TAFA1: variants seen among roughly 807,000 people sequenced by gnomAD.
TAFA1 encodes the protein chemokine-like protein TAFA-1.
Under a neutral mutation model 18.5 loss-of-function variants are expected in TAFA1, and 4 were observed. The observed-to-expected ratio is 0.22, with a 90% CI of 0.11 to 0.49. The LOEUF is 0.49. Among genes scored for constraint, TAFA1 ranks in the 20% least tolerant of loss-of-function variants. The pLI, the probability that TAFA1 is intolerant of heterozygous loss-of-function variation, is 0.98. For synonymous variants in TAFA1, 56 were observed against 55.2 expected (o/e 1.01, Z -0.06); for missense variants, 147 against 169.0 (o/e 0.87, Z 0.72).
intron 2 of TAFA1, among the ~76,000 whole-genome samples, chr3:68,125,943 A>G (rs2065459115): frequency 6.6e-6 from 1 of 152,172 alleles, no homozygotes; most frequent in South Asian, 2.1e-4. Flanking sequence ...ATGATTCTAG[A>G]AAGTGTTCCA....
intron 3 of TAFA1, among the ~76,000 whole-genome samples, chr3:68,491,106 T>C (rs1046663139): frequency 2.1e-4 from 32 of 152,168 alleles, no homozygotes; most frequent in African/African-American, 7.5e-4. Context: ...TCTAAAGTGC[T>C]AGGATTACAG....
intron 2 of TAFA1, among the ~76,000 whole-genome samples, chr3:68,253,514 G>T (rs1006217544): frequency 4.6e-5 from 7 of 152,084 alleles, no homozygotes; most frequent in African/African-American, 7.2e-5. Context: ...CTCAGATTTT[G>T]TGCACTACTT....
At chr3:68,248,057 G>A (rs1464658503) in intron 2 of TAFA1, among the ~76,000 whole-genome samples, 1 of 152,236 alleles carries the variant, frequency 6.6e-6, no homozygotes, top group Non-Finnish European at 1.5e-5. Context: ...AGAGTACTTA[G>A]TTGCAGACTG....
intron 3 of TAFA1, among the ~76,000 whole-genome samples, chr3:68,483,797 T>G (rs1471872622): frequency 6.6e-6 from 1 of 152,214 alleles, no homozygotes. Context: ...GCCTTTCACA[T>G]GTTTAAAAAA....
intron 2 of TAFA1, among the ~76,000 whole-genome samples, chr3:68,142,995 G>T (rs945879522): frequency 6.6e-6 from 1 of 151,288 alleles, no homozygotes. Flanking sequence ...TCTTGGTTTC[G>T]ATTGCTCTGG....
chr3:68,084,466 G>A (rs568826702), intron 2 of TAFA1, among the ~76,000 whole-genome samples: 2 of 152,070 alleles, frequency 1.3e-5, no homozygotes, highest in African/African-American at 2.4e-5. Flanking sequence ...TCCAAAATTC[G>A]GGTTTCACCT....
intron 3 of TAFA1, among the ~76,000 whole-genome samples, chr3:68,533,466 A>G (rs969240866): frequency 3.3e-5 from 5 of 152,088 alleles, no homozygotes; most frequent in African/African-American, 1.2e-4. Flanking sequence ...GTGATTCCAA[A>G]TGAGATTTGG....
chr3:68,061,724 A>C (rs951342330), intron 2 of TAFA1, among the ~76,000 whole-genome samples: 9 of 152,200 alleles, frequency 5.9e-5, no homozygotes, highest in Admixed American at 3.3e-4. Context: ...AGATATGTAC[A>C]TGAAGAATAA....
intron 2 of TAFA1, among the ~76,000 whole-genome samples, chr3:68,303,506 T>C (rs2068344353): frequency 6.6e-6 from 1 of 152,246 alleles, no homozygotes; most frequent in East Asian, 1.9e-4. Context: ...AGTAGCGTGA[T>C]CTCAGCTCAC....
chr3:68,019,521 T>C (rs1013587750), intron 2 of TAFA1, among the ~76,000 whole-genome samples: 2 of 152,198 alleles, frequency 1.3e-5, no homozygotes, highest in East Asian at 3.8e-4. Context: ...TTTAACTTTT[T>C]CATAAGATTG....
intron 2 of TAFA1, among the ~76,000 whole-genome samples, chr3:68,314,090 T>G (rs1038572781): frequency 3.2e-4 from 48 of 152,222 alleles, no homozygotes; most frequent in Non-Finnish European, 5.9e-5. Flanking sequence ...CCATCGTTCT[T>G]GTTTATTTGG....
chr3:68,538,687 G>A (rs1358412587), intron 3 of TAFA1, 69 bp from the exon 4 acceptor site: 11 of 1,536,374 alleles, frequency 7.2e-6, no homozygotes, highest in Non-Finnish European at 9.8e-6. Flanking sequence ...AATCTGCAGA[G>A]GGACACAACG....
intron 2 of TAFA1, among the ~76,000 whole-genome samples, chr3:68,271,830 TCTCTCTCACA>T (rs773810509): frequency 6.9e-6 from 1 of 144,978 alleles, no homozygotes; most frequent in Non-Finnish European, 1.5e-5. Context: ...TCTCTCTCTC[TCTCTCTCACA>T]CACACACACA....
At chr3:68,484,937 T>C (rs2072309929) in intron 3 of TAFA1, among the ~76,000 whole-genome samples, 1 of 152,164 alleles carries the variant, frequency 6.6e-6, no homozygotes. Context: ...TTTGCTGGGG[T>C]TTAATTTCAA....
At chr3:68,167,938 A>T (rs13081970) in intron 2 of TAFA1, among the ~76,000 whole-genome samples, 22,023 of 152,022 alleles carry the variant, frequency 0.14, 1,905 homozygotes, top group Middle Eastern at 0.2. Flanking sequence ...AAACAGGAGA[A>T]CCCACGTGTT....
At chr3:68,464,994 T>A (rs2071858921) in intron 3 of TAFA1, among the ~76,000 whole-genome samples, 2 of 152,252 alleles carry the variant, frequency 1.3e-5, no homozygotes, top group South Asian at 4.1e-4. Flanking sequence ...GACAGTCCAT[T>A]CTCTAGCCTG....
chr3:68,241,056 T>C (rs2066991444), intron 2 of TAFA1, among the ~76,000 whole-genome samples: 1 of 152,186 alleles, frequency 6.6e-6, no homozygotes, highest in Non-Finnish European at 1.5e-5. Flanking sequence ...ATATAAATCG[T>C]CACAGCATAT....
chr3:68,095,335 A>G lies in TAFA1; in HGVS notation c.118+88591A>G, dbSNP rs571264186. ...TTTAAAAAACAGTTTTTATCAATTCAAAGAATGCTATTTGGAAATATTTTT... is the reference window on the plus strand; with the variant it reads ...TTTAAAAAACAGTTTTTATCAATTCGAAGAATGCTATTTGGAAATATTTTT... On this transcript the variant is annotated intron_variant, in intron 2 of 4. Coordinates refer to ENST00000478136, the MANE Select transcript of TAFA1 (RefSeq NM_213609.4). Among the ~76,000 whole-genome samples the G allele has an allele frequency of 5.3e-5, 8 of 152,296 alleles. No homozygotes were observed. The South Asian group carries it at 1.7e-3, about 32-fold the overall frequency.
rs955757010 is a variant in TAFA1, at chr3:68,414,952, C to A, written c.119-2328C>A. ...AGTGGCATTTTTGTGAAGTGTCGAA[C>A]TAGCTGTTACTGACTTGACGGAGGG... On this transcript the variant is annotated intron_variant, in intron 2 of 4. Transcript: ENST00000478136. Among the ~76,000 whole-genome samples the A allele has an allele frequency of 3.9e-5, 6 of 152,182 alleles. No homozygotes were observed. In the South Asian group the frequency reaches 1.2e-3, roughly 31 times the overall value.
Sources: gnomAD v4.1 joint callset for allele counts (sites outside exome capture counted in the v4.1 genomes callset) on GRCh38, gnomAD v4.1.1 for gene constraint, MANE v1.5 for transcripts, NCBI Gene and HGNC (gene_info 2026-07-23, HGNC 2026-07-21) for gene names.